The following CSMD1 variants were observed in gnomAD, a reference collection of about 807,000 sequenced individuals.
The protein encoded by CSMD1 is CUB and sushi domain-containing protein 1.
CSMD1 carries 213 observed loss-of-function variants against 417.5 expected under a neutral mutation model. The observed-to-expected ratio is 0.51, with a 90% CI of 0.46 to 0.57. The LOEUF is 0.57. Ranked by LOEUF, CSMD1 falls within the 20% of genes least tolerant of loss-of-function variation. CSMD1 has a pLI of 0.00. For missense variants in CSMD1, 6,923 were observed against 4,529.7 expected (o/e 1.53, Z -15.17); for synonymous variants, 2,862 against 1,736.8 (o/e 1.65, Z -16.11).
At chr8:4,936,041 G>A (rs139695541) in intron 1 of CSMD1, among the ~76,000 whole-genome samples, 3 of 152,174 alleles carry the variant, frequency 2.0e-5, no homozygotes, top group African/African-American at 4.8e-5. Flanking sequence ...AGGGAGTGAA[G>A]ACTTAATCAA....
At chr8:4,300,984 C>G (rs2128873174) in intron 3 of CSMD1, among the ~76,000 whole-genome samples, 1 of 152,172 alleles carries the variant, frequency 6.6e-6, no homozygotes, top group Non-Finnish European at 1.5e-5. Flanking sequence ...AAATAGTGCA[C>G]TATAAACATA....
intron 3 of CSMD1, among the ~76,000 whole-genome samples, chr8:4,315,566 A>T (rs985529077): frequency 2.0e-5 from 3 of 152,220 alleles, no homozygotes; most frequent in African/African-American, 7.2e-5. Flanking sequence ...GCTTAAGGAG[A>T]ACCAATCTTC....
At chr8:3,732,399 C>G (rs529263996) in intron 6 of CSMD1, among the ~76,000 whole-genome samples, 2 of 152,126 alleles carry the variant, frequency 1.3e-5, no homozygotes, top group African/African-American at 2.4e-5. Flanking sequence ...CTAGCTGTAC[C>G]CTTCAATGAA....
At chr8:3,605,183 G>A (rs549255935) in intron 8 of CSMD1, among the ~76,000 whole-genome samples, 1 of 152,110 alleles carries the variant, frequency 6.6e-6, no homozygotes, top group Non-Finnish European at 1.5e-5. Flanking sequence ...GTAGAAACAG[G>A]GTTTCCCTGT....
At chr8:4,423,267 A>C (rs904542574) in intron 2 of CSMD1, among the ~76,000 whole-genome samples, 4 of 152,092 alleles carry the variant, frequency 2.6e-5, no homozygotes, top group African/African-American at 9.7e-5. Flanking sequence ...AATAAATAAA[A>C]TTACTACTAT....
chr8:4,570,717 G>A (rs992821024), intron 2 of CSMD1, among the ~76,000 whole-genome samples: 1 of 152,166 alleles, frequency 6.6e-6, no homozygotes, highest in African/African-American at 2.4e-5. Context: ...CAGAAGGAAT[G>A]GTACAAGCTC....
At chr8:3,566,414 C>G (rs1050239904) in intron 10 of CSMD1, among the ~76,000 whole-genome samples, 1 of 152,022 alleles carries the variant, frequency 6.6e-6, no homozygotes, top group African/African-American at 2.4e-5. Context: ...ATACAGCCAT[C>G]CCTTCACTCT....
chr8:3,558,719 C>A (rs1266046981), intron 10 of CSMD1, among the ~76,000 whole-genome samples: 1 of 149,816 alleles, frequency 6.7e-6, no homozygotes, highest in African/African-American at 2.5e-5. Flanking sequence ...AATAGTGCTT[C>A]AGTAGTACCC....
chr8:4,802,975 A>G (rs1427678825), intron 1 of CSMD1, among the ~76,000 whole-genome samples: 3 of 152,196 alleles, frequency 2.0e-5, no homozygotes, highest in African/African-American at 4.8e-5. Flanking sequence ...ATATTTTCAG[A>G]ATCTTTATGT....
rs574319017 is a variant in CSMD1 at position 4,029,929 on chromosome 8, T to G, written c.610+1976A>C. ...AAAGGGTCTACTGGCCCTATGTAAG[T>G]ATAGAATCCAGTGGGGCAGTCAAAT... is the stretch of plus-strand genomic sequence containing the variant. On this transcript the variant is annotated intron_variant, in intron 4 of 69. Coordinates refer to ENST00000635120, the MANE Select transcript of CSMD1 (RefSeq NM_033225.6). 3.3e-5 allele frequency among the ~76,000 whole-genome samples: 5 copies of G among 152,288 alleles called. No individual in the cohort carries two copies. The East Asian group carries it at 9.7e-4, about 30-fold the overall frequency.
At chr8:3,854,418 C>T (rs542275876) in intron 5 of CSMD1, among the ~76,000 whole-genome samples, 1 of 152,018 alleles carries the variant, frequency 6.6e-6, no homozygotes. Flanking sequence ...CTTTTTAATG[C>T]TACTGTTTAA....
chr8:4,938,789 G>T (rs1408225925), intron 1 of CSMD1, among the ~76,000 whole-genome samples: 1 of 152,142 alleles, frequency 6.6e-6, no homozygotes, highest in Non-Finnish European at 1.5e-5. Context: ...GCAGGGGAAT[G>T]CTTTTTTATA....
chr8:4,322,303 T>C lies in CSMD1; in HGVS notation c.415+97650A>G, dbSNP rs539266846. Among the ~76,000 whole-genome samples, 3 of 151,116 alleles carry C rather than the reference T, an allele frequency of 2.0e-5. No individual in the cohort carries two copies. In the East Asian group the frequency reaches 5.9e-4, roughly 30 times the overall value. On this transcript the variant is annotated intron_variant, in intron 3 of 69. Coordinates refer to ENST00000635120, the MANE Select transcript of CSMD1 (RefSeq NM_033225.6). ...GACCTGAATTCAATTTCATGTTATC[T>C]GCATATTTGAAGAGAGTACTTTTTT...
At chr8:4,897,694 ATTAC>A (rs983282342) in intron 1 of CSMD1, among the ~76,000 whole-genome samples, 17 of 152,214 alleles carry the variant, frequency 1.1e-4, no homozygotes, top group East Asian at 5.8e-4. Flanking sequence ...TTTTTTACAT[ATTAC>A]TTAAATACAT....
At chr8:3,453,315 C>T (rs745499784) in intron 12 of CSMD1, among the ~76,000 whole-genome samples, 7 of 151,988 alleles carry the variant, frequency 4.6e-5, no homozygotes, top group Non-Finnish European at 8.8e-5. Flanking sequence ...ATTTCGTTCA[C>T]TTCTGCTCTG....
intron 5 of CSMD1, 86 bp downstream of exon 5, chr8:3,997,817 G>C (rs998972286): frequency 6.4e-6 from 8 of 1,252,540 alleles, no homozygotes; most frequent in African/African-American, 4.5e-5. Context: ...TGAACGTCCA[G>C]AGACAAGCAA....
At chr8:3,727,000 C>T (rs141472124) in intron 6 of CSMD1, among the ~76,000 whole-genome samples, 1 of 152,174 alleles carries the variant, frequency 6.6e-6, no homozygotes, top group African/African-American at 2.4e-5. Flanking sequence ...ACTGTGAACA[C>T]AAACCCTCAA....
At chr8:4,963,766 C>A (rs1809672591) in intron 1 of CSMD1, among the ~76,000 whole-genome samples, 1 of 152,124 alleles carries the variant, frequency 6.6e-6, no homozygotes, top group South Asian at 2.1e-4. Flanking sequence ...AACAAAATAA[C>A]ATGACTTTCA....
At chr8:4,380,309 G>T (rs558470324) in intron 3 of CSMD1, among the ~76,000 whole-genome samples, 2 of 152,132 alleles carry the variant, frequency 1.3e-5, no homozygotes, top group Admixed American at 1.3e-4. Context: ...CTGAGCCACA[G>T]TGATAGCACA....
Sources: allele counts gnomAD v4.1 joint callset (sites outside exome capture counted in the v4.1 genomes callset), GRCh38; gene constraint gnomAD v4.1.1; transcripts MANE v1.5; gene names NCBI Gene and HGNC (gene_info 2026-07-23, HGNC 2026-07-21).